Variants in TBC1D9 observed in about 807,000 individuals in gnomAD.
TBC1D9 encodes the protein TBC1 domain family member 9.
In TBC1D9, 63 loss-of-function variants were observed where a neutral mutation model predicts 132.0. The ratio of observed to expected loss-of-function variants is 0.48; its 90% CI spans 0.39 to 0.59. The LOEUF (loss-of-function observed/expected upper bound fraction) is 0.59. Ranked by LOEUF, TBC1D9 falls within the 20% of genes least tolerant of loss-of-function variation. The pLI is 0.00. For synonymous variants in TBC1D9, 610 were observed against 609.9 expected (o/e 1.00, Z 0.00); for missense variants, 1,261 against 1,592.7 (o/e 0.79, Z 3.54).
intron 6 of TBC1D9, among the ~76,000 whole-genome samples, chr4:140,672,976 A>G (rs1737561452): frequency 6.6e-6 from 1 of 152,188 alleles, no homozygotes; most frequent in Non-Finnish European, 1.5e-5. Context: ...CCTGGCCAAC[A>G]TGATGAAACC....
chr4:140,642,651 C>T, intron 13 of TBC1D9: 1 of 711,142 alleles, frequency 1.4e-6, no homozygotes, highest in Non-Finnish European at 2.5e-6. Flanking sequence ...TCGTGTTCAT[C>T]CCAAGTCTGG....
chr4:140,672,825 A>G (rs1446561346), intron 6 of TBC1D9, among the ~76,000 whole-genome samples: 1 of 152,136 alleles, frequency 6.6e-6, no homozygotes, highest in Non-Finnish European at 1.5e-5. Flanking sequence ...CAACTTAATC[A>G]AGTCTTGGTG....
In TBC1D9 at chr4:140,622,354, C is replaced by T. The variant is rs369493037; in HGVS notation, c.3642G>A (p.Glu1214=). Residue 1214 remains glutamate (E), a synonymous_variant, in exon 21 of 21, where the codon GAG becomes GAA. Coordinates refer to ENST00000442267, the MANE Select transcript of TBC1D9 (RefSeq NM_015130.3). ...CAGTTAAGAGGGAGGCCAGGAACTG[C>T]TCGAAGGTGATGGCCCAGTCCCGGT... is the stretch of plus-strand genomic sequence containing the variant. ...SLDRDWAITF[E]QFLASLLTEP... is the part of the protein sequence containing the mutation. The T allele has an allele frequency of 1.2e-6, 2 of 1,613,636 alleles. No homozygotes were observed. The highest frequency in any genetic ancestry group is 4.5e-5 in the East Asian group (2 of 44,854).
At chr4:140,683,952 A>G (rs375117487) in intron 3 of TBC1D9, among the ~76,000 whole-genome samples, 1 of 152,372 alleles carries the variant, frequency 6.6e-6, no homozygotes, top group African/African-American at 2.4e-5. Context: ...CCACTAGTCT[A>G]GAAGCTAAGG....
intron 13 of TBC1D9, among the ~76,000 whole-genome samples, chr4:140,656,707 G>A (rs1054707261): frequency 6.6e-6 from 1 of 152,130 alleles, no homozygotes; most frequent in Non-Finnish European, 1.5e-5. Context: ...CAACTGTCTT[G>A]GTAAATTCTT....
chr4:140,634,412 A>G (rs1291847075), intron 15 of TBC1D9, among the ~76,000 whole-genome samples: 1 of 152,184 alleles, frequency 6.6e-6, no homozygotes, highest in Non-Finnish European at 1.5e-5. Flanking sequence ...TACATCTGGA[A>G]GGTCTGCTTC....
chr4:140,678,800 G>C (rs1737662735), intron 5 of TBC1D9, 142 bp downstream of exon 5: 4 of 1,012,790 alleles, frequency 3.9e-6, no homozygotes, highest in Non-Finnish European at 5.8e-6. Flanking sequence ...TAGCACCTCA[G>C]CTAGTCTTTT....
At chr4:140,689,545 C>T (rs1288336586) in intron 2 of TBC1D9, among the ~76,000 whole-genome samples, 1 of 123,784 alleles carries the variant, frequency 8.1e-6, no homozygotes, top group African/African-American at 3.1e-5. Flanking sequence ...CTTTTCCCTT[C>T]CCTTCTTTTT....
chr4:140,695,444 A>G (rs1737938838), intron 2 of TBC1D9, among the ~76,000 whole-genome samples: 1 of 152,198 alleles, frequency 6.6e-6, no homozygotes, highest in Admixed American at 6.5e-5. Context: ...CACTGTTGTC[A>G]GTGAGCTGTC....
chr4:140,643,731 G>A (rs953997232), intron 13 of TBC1D9: 7 of 1,213,660 alleles, frequency 5.8e-6, no homozygotes, highest in South Asian at 1.4e-5. Flanking sequence ...TGTCCGGCCC[G>A]GGGAATCCAC....
intron 1 of TBC1D9, among the ~76,000 whole-genome samples, chr4:140,702,637 C>G (rs1162898398): frequency 6.6e-6 from 1 of 152,160 alleles, no homozygotes; most frequent in African/African-American, 2.4e-5. Context: ...AAACTGGGAA[C>G]CTGTCATCAG....
intron 18 of TBC1D9, among the ~76,000 whole-genome samples, chr4:140,624,830 T>A (rs1242918735): frequency 6.6e-6 from 1 of 152,158 alleles, no homozygotes; most frequent in African/African-American, 2.4e-5. Context: ...GGTGGGCAGA[T>A]CACCTGAGGT....
intron 1 of TBC1D9, among the ~76,000 whole-genome samples, chr4:140,752,613 A>T (rs1738943611): frequency 6.6e-6 from 1 of 152,096 alleles, no homozygotes; most frequent in African/African-American, 2.4e-5. Flanking sequence ...AGATCACTGC[A>T]CTTTGCATCT....
intron 1 of TBC1D9, among the ~76,000 whole-genome samples, chr4:140,708,362 AT>A (rs1738179165): frequency 6.6e-6 from 1 of 152,212 alleles, no homozygotes; most frequent in Non-Finnish European, 1.5e-5. Flanking sequence ...AATTTCTCCA[AT>A]TTCAGAAGTA....
chr4:140,631,118 A>G (rs979251314), intron 16 of TBC1D9, among the ~76,000 whole-genome samples: 6 of 152,236 alleles, frequency 3.9e-5, no homozygotes, highest in African/African-American at 1.4e-4. Context: ...TTATCCAATG[A>G]CCGGCTGCAT....
chr4:140,727,341 T>C (rs1228387209), intron 1 of TBC1D9, among the ~76,000 whole-genome samples: 1 of 152,192 alleles, frequency 6.6e-6, no homozygotes, highest in African/African-American at 2.4e-5. Context: ...CTCCTGCATC[T>C]ACTTTCACCT....
intron 13 of TBC1D9, among the ~76,000 whole-genome samples, chr4:140,648,236 G>T (rs545955107): frequency 6.6e-6 from 1 of 152,040 alleles, no homozygotes; most frequent in Admixed American, 6.5e-5. Context: ...ATCCATCTTT[G>T]TTTATATCTC....
At chr4:140,656,039 T>C (rs886567727) in intron 13 of TBC1D9, among the ~76,000 whole-genome samples, 1 of 152,098 alleles carries the variant, frequency 6.6e-6, no homozygotes, top group Non-Finnish European at 1.5e-5. Flanking sequence ...TGCCATGTGC[T>C]ACTATGGTAT....
At chr4:140,665,970 C>A (rs1198340819) in intron 9 of TBC1D9, among the ~76,000 whole-genome samples, 1 of 152,156 alleles carries the variant, frequency 6.6e-6, no homozygotes, top group East Asian at 1.9e-4. Flanking sequence ...AAGCATGAGC[C>A]ACTGTGCCCA....
Sources: gnomAD v4.1 joint callset for allele counts (sites outside exome capture counted in the v4.1 genomes callset) on GRCh38, gnomAD v4.1.1 for gene constraint, MANE v1.5 for transcripts, NCBI Gene and HGNC (gene_info 2026-07-23, HGNC 2026-07-21) for gene names.